The following CA10 variants were observed in gnomAD, a reference collection of about 807,000 sequenced individuals.
CA10 encodes the protein carbonic anhydrase 10 (inactive), also known as carbonic anhydrase-related protein 10.
In CA10, 14 loss-of-function variants were observed where a neutral mutation model predicts 44.2. That is an observed-to-expected ratio of 0.32 (90% confidence interval 0.21 to 0.50). The LOEUF (loss-of-function observed/expected upper bound fraction) is 0.50, where lower values mean the gene tolerates loss of function less well. Ranked by LOEUF, CA10 falls within the 20% of genes least tolerant of loss-of-function variation. CA10 has a pLI of 0.99. For missense variants in CA10, 350 were observed against 409.7 expected (o/e 0.85, Z 1.26); for synonymous variants, 159 against 141.6 (o/e 1.12, Z -0.87).
intron 1 of CA10, among the ~76,000 whole-genome samples, chr17:52,143,029 T>A (rs190447831): frequency 6.6e-6 from 1 of 152,202 alleles, no homozygotes; most frequent in East Asian, 1.9e-4. Context: ...TCCTCAAAGA[T>A]CTCCAATACT....
chr17:51,827,570 A>T (rs1307382084), intron 3 of CA10, among the ~76,000 whole-genome samples: 1 of 152,222 alleles, frequency 6.6e-6, no homozygotes, highest in East Asian at 1.9e-4. Context: ...AAACTCTTAC[A>T]CCTTTTACTA....
chr17:52,098,367 C>G (rs1988456260), intron 1 of CA10, among the ~76,000 whole-genome samples: 1 of 152,224 alleles, frequency 6.6e-6, no homozygotes, highest in African/African-American at 2.4e-5. Flanking sequence ...TTCTGTATTT[C>G]TAACAACTTG....
chr17:52,077,938 CA>C (rs979554645), intron 1 of CA10, among the ~76,000 whole-genome samples: 36 of 152,144 alleles, frequency 2.4e-4, no homozygotes, highest in Non-Finnish European at 4.7e-4. Context: ...GTTCTTCCCA[CA>C]AGTCCATAAA....
chr17:51,672,785 G>A (rs1277717687), intron 4 of CA10, among the ~76,000 whole-genome samples: 3 of 152,098 alleles, frequency 2.0e-5, no homozygotes, highest in Non-Finnish European at 1.5e-5. Context: ...ATCTGCCCAG[G>A]GGAGCTGAAT....
At chr17:51,672,987 G>A (rs1914481661) in intron 4 of CA10, among the ~76,000 whole-genome samples, 1 of 152,160 alleles carries the variant, frequency 6.6e-6, no homozygotes, top group South Asian at 2.1e-4. Flanking sequence ...CCAAGAAATG[G>A]ATTTTCTTGA....
intron 3 of CA10, among the ~76,000 whole-genome samples, chr17:51,792,451 A>G (rs1045590691): frequency 1.3e-5 from 2 of 152,152 alleles, no homozygotes; most frequent in East Asian, 1.9e-4. Context: ...TGGTGGCAGC[A>G]TATGTTTGTC....
chr17:51,984,709 A>G (rs1057035132), intron 2 of CA10, among the ~76,000 whole-genome samples: 6 of 151,934 alleles, frequency 3.9e-5, no homozygotes, highest in African/African-American at 1.4e-4. Context: ...AATACAAAAG[A>G]TCATTCAAGG....
intron 4 of CA10, among the ~76,000 whole-genome samples, chr17:51,706,206 G>T (rs900986106): frequency 6.6e-6 from 1 of 152,152 alleles, no homozygotes; most frequent in Admixed American, 6.5e-5. Context: ...ACAAGGCCTG[G>T]CCTACACTCA....
At chr17:52,149,158 G>A (rs1989650985) in intron 1 of CA10, among the ~76,000 whole-genome samples, 1 of 152,198 alleles carries the variant, frequency 6.6e-6, no homozygotes, top group African/African-American at 2.4e-5. Flanking sequence ...TCCAACTCTG[G>A]CATTGCTGCC....
intron 2 of CA10, among the ~76,000 whole-genome samples, chr17:52,000,058 G>A (rs548608307): frequency 1.3e-5 from 2 of 152,130 alleles, no homozygotes; most frequent in Admixed American, 1.3e-4. Flanking sequence ...TGTGCTAAGG[G>A]TTTTTTCTTT....
intron 2 of CA10, among the ~76,000 whole-genome samples, chr17:51,997,172 C>G (rs1985266549): frequency 6.6e-6 from 1 of 152,056 alleles, no homozygotes; most frequent in Admixed American, 6.6e-5. Context: ...TCATCTTTCT[C>G]ATAGAATCTG....
intron 3 of CA10, among the ~76,000 whole-genome samples, chr17:51,923,859 A>T (rs1046428269): frequency 6.6e-6 from 1 of 152,036 alleles, no homozygotes; most frequent in African/African-American, 2.4e-5. Flanking sequence ...GGTGAATTCC[A>T]CCTAAACGCA....
chr17:51,878,489 T>A (rs998409914), intron 3 of CA10, among the ~76,000 whole-genome samples: 9 of 152,056 alleles, frequency 5.9e-5, no homozygotes, highest in African/African-American at 2.2e-4. Context: ...AGGATATTTT[T>A]CACATTATTG....
chr17:52,059,975 A>G (rs2143087326), intron 2 of CA10, among the ~76,000 whole-genome samples: 1 of 152,344 alleles, frequency 6.6e-6, no homozygotes, highest in East Asian at 1.9e-4. Flanking sequence ...TTCTAGGTCC[A>G]ACTCCATCAT....
chr17:51,878,506 A>T (rs1980191165), intron 3 of CA10, among the ~76,000 whole-genome samples: 1 of 152,004 alleles, frequency 6.6e-6, no homozygotes, highest in African/African-American at 2.4e-5. Flanking sequence ...ATTGTTCAAG[A>T]TTGAAATGTA....
At chr17:52,138,888 G>T (rs1198205220) in intron 1 of CA10, among the ~76,000 whole-genome samples, 1 of 152,136 alleles carries the variant, frequency 6.6e-6, no homozygotes, top group Non-Finnish European at 1.5e-5. Context: ...TTATAACTAA[G>T]GAACCCAGTG....
chr17:51,930,629 A>T (rs1982618059), intron 3 of CA10, among the ~76,000 whole-genome samples: 2 of 151,956 alleles, frequency 1.3e-5, no homozygotes, highest in African/African-American at 4.8e-5. Flanking sequence ...TGGTTTTCTC[A>T]CTTCACTGAG....
At chr17:51,851,016 G>A (rs1252463701) in intron 3 of CA10, among the ~76,000 whole-genome samples, 3 of 152,152 alleles carry the variant, frequency 2.0e-5, no homozygotes, top group East Asian at 1.9e-4. Context: ...TGCAGACCGC[G>A]CTGCCATACT....
chr17:52,104,757 A>T (rs1988621360), intron 1 of CA10, among the ~76,000 whole-genome samples: 1 of 152,160 alleles, frequency 6.6e-6, no homozygotes, highest in African/African-American at 2.4e-5. Context: ...AGTCCTAAGC[A>T]CTGACTCCTT....
Sources: allele counts gnomAD v4.1 joint callset (sites outside exome capture counted in the v4.1 genomes callset), GRCh38; gene constraint gnomAD v4.1.1; transcripts MANE v1.5; gene names NCBI Gene and HGNC (gene_info 2026-07-23, HGNC 2026-07-21).